TNFRSF19: variants seen among roughly 807,000 people sequenced by gnomAD.
The protein encoded by TNFRSF19 is tumor necrosis factor receptor superfamily member 19.
In TNFRSF19, 27 loss-of-function variants were observed where a neutral mutation model predicts 46.4. The observed-to-expected ratio is 0.58, with a 90% CI of 0.43 to 0.80. The LOEUF is 0.80. Ranked by LOEUF, TNFRSF19 falls within the 30% of genes least tolerant of loss-of-function variation. The pLI, the probability that TNFRSF19 is intolerant of heterozygous loss-of-function variation, is 0.00. For synonymous variants in TNFRSF19, 204 were observed against 205.0 expected (o/e 1.00, Z 0.04); for missense variants, 511 against 530.8 (o/e 0.96, Z 0.37).
chr13:23,657,533 C>A lies in TNFRSF19; in HGVS notation c.446-1517C>A, dbSNP rs74554147. Among the ~76,000 whole-genome samples the A allele has an allele frequency of 8.1e-3, 1,228 of 152,234 alleles. 16 individuals are homozygous for A. The highest frequency in any genetic ancestry group is 0.028 in the African/African-American group (1,164 of 41,538). ...TAGTCTGAATTCAGATGAGCTGTGT[C>A]TTTAAAACCACACCGGATTTTAAAA... On this transcript the variant is annotated intron_variant, in intron 5 of 9. Transcript: ENST00000248484.
At chr13:23,644,310 C>T (rs917149931) in intron 5 of TNFRSF19, among the ~76,000 whole-genome samples, 1 of 152,164 alleles carries the variant, frequency 6.6e-6, no homozygotes, top group African/African-American at 2.4e-5. Flanking sequence ...GTGGGAGGGA[C>T]CCAGTGGGAG....
intron 5 of TNFRSF19, among the ~76,000 whole-genome samples, chr13:23,650,513 T>C (rs1883568526): frequency 6.6e-6 from 1 of 152,176 alleles, no homozygotes. Context: ...ATACTGTATA[T>C]CCATTTATAT....
At chr13:23,640,850 CT>C (rs1882998475) in intron 5 of TNFRSF19, among the ~76,000 whole-genome samples, 1 of 152,112 alleles carries the variant, frequency 6.6e-6, no homozygotes, top group Admixed American at 6.5e-5. Flanking sequence ...TCTTCTCTGC[CT>C]TTTTTTCTTC....
chr13:23,593,449 G>A lies in TNFRSF19; in HGVS notation c.174G>A (p.Leu58=), dbSNP rs748977030. The A allele has an allele frequency of 1.6e-5, 25 of 1,598,448 alleles. 1 individual carries two copies. Among genetic ancestry groups the A allele is most frequent in the Non-Finnish European group, 1.9e-5 (22 of 1,175,126 alleles). ...ACCAGTGTGGGCCAGGCATGGAGTTGTCTAAGGTATATTGGATACATGGCA... is the reference window on the plus strand; with the variant it reads ...ACCAGTGTGGGCCAGGCATGGAGTTATCTAAGGTATATTGGATACATGGCA... ...PCNQCGPGME[L]SKECGFGYGE... is the part of the protein sequence containing the mutation. The change falls in exon 3 of 10, where the codon TTG becomes TTA. Residue 58 remains leucine, a synonymous_variant. Coordinates refer to ENST00000248484, the MANE Select transcript of TNFRSF19 (RefSeq NM_148957.4).
intron 4 of TNFRSF19, among the ~76,000 whole-genome samples, chr13:23,625,326 C>CTTTTTTT (rs67965421): frequency 1.9e-5 from 2 of 107,330 alleles, no homozygotes; most frequent in African/African-American, 3.6e-5. Flanking sequence ...TGATTGTATT[C>CTTTTTTT]TTTTTTTTTT....
At chr13:23,617,857 A>G (rs1881406975) in intron 4 of TNFRSF19, among the ~76,000 whole-genome samples, 1 of 152,210 alleles carries the variant, frequency 6.6e-6, no homozygotes, top group African/African-American at 2.4e-5. Flanking sequence ...GAGTCACATC[A>G]TGGGAGTCTA....
At chr13:23,583,309 G>T (rs991560693) in intron 1 of TNFRSF19, among the ~76,000 whole-genome samples, 54 of 151,212 alleles carry the variant, frequency 3.6e-4, no homozygotes, top group African/African-American at 1.3e-3. Flanking sequence ...AAAAATGTTG[G>T]ACCAAAAAAA....
intron 3 of TNFRSF19, among the ~76,000 whole-genome samples, chr13:23,606,850 G>A (rs549637789): frequency 6.6e-6 from 1 of 151,856 alleles, no homozygotes; most frequent in African/African-American, 2.4e-5. Flanking sequence ...TTTATAAGCA[G>A]TTACTTTAAT....
intron 5 of TNFRSF19, among the ~76,000 whole-genome samples, chr13:23,629,703 C>G (rs1011178157): frequency 2.0e-5 from 3 of 152,216 alleles, no homozygotes; most frequent in Non-Finnish European, 4.4e-5. Context: ...ATGCCCAAGT[C>G]TGCAGATTTT....
Position 23,668,099 on chromosome 13 carries a change from A to G in TNFRSF19, c.839+17A>G. 1 of 1,583,682 alleles carries G rather than the reference A, an allele frequency of 6.3e-7. No individual in the cohort carries two copies. Among genetic ancestry groups the G allele is most frequent in the Non-Finnish European group, 8.6e-7 (1 of 1,163,994 alleles). ...TCAGGCAAGGTAACTAGGTGCTTTC[A>G]ATCAATCATTTCATAACCCCCTGTG... is the stretch of plus-strand genomic sequence containing the variant. On this transcript the variant is annotated intron_variant, in intron 8 of 9. Transcript: ENST00000248484.
At chr13:23,603,542 T>C (rs1880312489) in intron 3 of TNFRSF19, among the ~76,000 whole-genome samples, 1 of 152,006 alleles carries the variant, frequency 6.6e-6, no homozygotes, top group Non-Finnish European at 1.5e-5. Context: ...ATATCTCTCA[T>C]GAACAAAGAT....
chr13:23,661,232 C>T (rs1303181574), intron 7 of TNFRSF19, among the ~76,000 whole-genome samples: 1 of 152,118 alleles, frequency 6.6e-6, no homozygotes, highest in African/African-American at 2.4e-5. Context: ...TGTGTTGTTC[C>T]CTTCTTTGTG....
rs543697159 is a variant in TNFRSF19 at position 23,659,707 on chromosome 13, A to G, written c.610+493A>G. 2.6e-4 allele frequency among the ~76,000 whole-genome samples: 39 copies of G among 152,130 alleles called. No homozygotes were observed. The highest frequency in any genetic ancestry group is 4.0e-4 in the Non-Finnish European group (27 of 68,002). ...TTTTTAGTAGAAACGGGGTTTCACC[A>G]TGTTGGCCAGGCTGGTCTCGAACTC... On this transcript the variant is annotated intron_variant, in intron 6 of 9. Transcript: ENST00000248484. This position sits in a 1 kb window ranked among gnomAD's most constrained non-coding sequence, Gnocchi z 4.9.
rs1951704313 is a variant in TNFRSF19, at chr13:23,668,979, C to CTAGA, written c.1130_1133dup (p.Tyr378Ter). On this transcript the variant is annotated frameshift_variant, in exon 9 of 10. Coordinates refer to ENST00000248484, the MANE Select transcript of TNFRSF19 (RefSeq NM_148957.4). LOFTEE classifies it high-confidence loss of function. ...AACTTTACAGCAGCTACTGATTTAT[C>CTAGA]TAGATATAACAACACACTGGTAGAA... The CTAGA allele has an allele frequency of 6.2e-7, 1 of 1,614,094 alleles. No homozygotes were observed.
intron 5 of TNFRSF19, among the ~76,000 whole-genome samples, chr13:23,658,135 T>C (rs950837788): frequency 3.3e-5 from 5 of 152,208 alleles, no homozygotes; most frequent in African/African-American, 4.8e-5. Flanking sequence ...GCACTAGATA[T>C]AGATCTCTGA....
intron 1 of TNFRSF19, among the ~76,000 whole-genome samples, chr13:23,579,710 C>G (rs947927469): frequency 6.6e-6 from 1 of 152,208 alleles, no homozygotes; most frequent in African/African-American, 2.4e-5. Flanking sequence ...AAGGGGCTGA[C>G]CGGGTCTCGG....
At chr13:23,599,925 A>G (rs1419254623) in intron 3 of TNFRSF19, among the ~76,000 whole-genome samples, 1 of 152,066 alleles carries the variant, frequency 6.6e-6, no homozygotes, top group East Asian at 1.9e-4. Flanking sequence ...GGGGGCTTAG[A>G]ATTTTAATTT....
intron 5 of TNFRSF19, among the ~76,000 whole-genome samples, chr13:23,630,329 A>T (rs1293204705): frequency 3.4e-5 from 5 of 145,082 alleles, no homozygotes; most frequent in Admixed American, 3.4e-4. Flanking sequence ...AAAAAAGGGT[A>T]AAAAAGAAGA....
At position 23,631,494 on chromosome 13, in the gene TNFRSF19, G is replaced by A. The variant is rs115474284; in HGVS notation, c.445+4702G>A. 3.3e-3 allele frequency among the ~76,000 whole-genome samples: 499 copies of A among 152,210 alleles called. 6 individuals carry two copies. Among genetic ancestry groups the A allele is most frequent in the African/African-American group, 0.011 (474 of 41,510 alleles). Reference sequence around the variant, plus strand: ...ACTTCTGAGGCTGTTCCTATTCCACGTGACACTGCTGTCCCCTTCTGTGCG... The same window carrying A: ...ACTTCTGAGGCTGTTCCTATTCCACATGACACTGCTGTCCCCTTCTGTGCG... On this transcript the variant is annotated intron_variant, in intron 5 of 9. Coordinates refer to ENST00000248484, the MANE Select transcript of TNFRSF19 (RefSeq NM_148957.4).
Sources: gnomAD v4.1 joint callset for allele counts (sites outside exome capture counted in the v4.1 genomes callset) on GRCh38, gnomAD v4.1.1 for gene constraint, Gnocchi (gnomAD v3.1) non-coding constraint, MANE v1.5 for transcripts, NCBI Gene and HGNC (gene_info 2026-07-23, HGNC 2026-07-21) for gene names.